The following TNFSF11 variants were observed in gnomAD, a reference collection of about 807,000 sequenced individuals.
TNFSF11 encodes the protein tumor necrosis factor ligand superfamily member 11.
TNFSF11 carries 12 observed loss-of-function variants against 32.2 expected under a neutral mutation model. The ratio of observed to expected loss-of-function variants is 0.37; its 90% confidence interval spans 0.24 to 0.60. TNFSF11 has a LOEUF of 0.60. Among genes scored for constraint, TNFSF11 ranks in the 20% least tolerant of loss-of-function variants. TNFSF11 has a pLI of 0.66. For synonymous variants in TNFSF11, 172 were observed against 152.1 expected (o/e 1.13, Z -0.96); for missense variants, 345 against 398.0 (o/e 0.87, Z 1.13).
chr13:42,578,929 A>G (rs572386879), intron 1 of TNFSF11, among the ~76,000 whole-genome samples: 12 of 152,368 alleles, frequency 7.9e-5, no homozygotes, highest in African/African-American at 2.6e-4. Flanking sequence ...ATAGCAGAAA[A>G]TCTATATTTT....
At chr13:42,579,415 CAAAA>C in intron 1 of TNFSF11, among the ~76,000 whole-genome samples, 1 of 112,934 alleles carries the variant, frequency 8.9e-6, no homozygotes. Context: ...ACCCTGTCTT[CAAAA>C]AAAAAAAAAA....
chr13:42,566,440 G>C (rs2137841930), intron 1 of TNFSF11, among the ~76,000 whole-genome samples: 1 of 152,256 alleles, frequency 6.6e-6, no homozygotes. Context: ...AGAGGGACTT[G>C]AATCAAATAA....
In TNFSF11 at chr13:42,607,075, G is replaced by A. The variant is rs199767949; in HGVS notation, c.*157G>A. ...ATGCTCTTGACCTTGTAGAGAACAC[G>A]CGTATTTACAGCCAGTGGGAGATGT... On this transcript the variant is annotated 3_prime_UTR_variant, in exon 5 of 5. Transcript: ENST00000398795. 5.9e-5 allele frequency: 52 copies of A among 877,310 alleles called. No individual in the cohort carries two copies. The East Asian group carries it at 1.2e-3, about 20-fold the overall frequency. The allele number at this position is 877,310 out of a possible 1,614,324, so 54.3% of individuals were successfully genotyped here.
Position 42,574,545 on chromosome 13 carries a change from G to C in TNFSF11, c.219+23G>C, listed in dbSNP as rs762342459. ...CAGGTGAGTGGCCACCTTCCCAGGG[G>C]ATCGCGGCTGAGAGCGCCCATCTCC... is the stretch of plus-strand genomic sequence containing the variant. On this transcript the variant is annotated intron_variant, in intron 1 of 4. Coordinates refer to ENST00000398795, the MANE Select transcript of TNFSF11 (RefSeq NM_003701.4). 17 of 1,600,042 alleles carry C rather than the reference G, an allele frequency of 1.1e-5. No homozygotes were observed. In the Admixed American group the frequency reaches 2.9e-4, roughly 27 times the overall value.
chr13:42,597,494 G>A (rs865937596), intron 2 of TNFSF11, among the ~76,000 whole-genome samples: 9 of 152,086 alleles, frequency 5.9e-5, no homozygotes, highest in African/African-American at 1.7e-4. Flanking sequence ...GTTCATTCCC[G>A]GGTAGAAGAG....
rs1869452078 is a variant in TNFSF11, at chr13:42,606,371, A to C, written c.533-126A>C. On this transcript the variant is annotated intron_variant, in intron 4 of 4. Coordinates refer to ENST00000398795, the MANE Select transcript of TNFSF11 (RefSeq NM_003701.4). ...CTCCCCTTCTAGAAAAGAAATGCCA[A>C]TAAGTTATTCTCCCTTTGAAATAAT... is the stretch of plus-strand genomic sequence containing the variant. 5 of 1,171,958 alleles carry C rather than the reference A, an allele frequency of 4.3e-6. No homozygotes were observed. In the South Asian group the frequency reaches 5.4e-5, roughly 13 times the overall value. The allele number at this position is 1,171,958 out of a possible 1,614,324, so 72.6% of individuals were successfully genotyped here. A position where few individuals can be genotyped will look rare whatever the true frequency, so the allele number is the denominator to read the frequency against.
intron 2 of TNFSF11, among the ~76,000 whole-genome samples, chr13:42,590,871 C>T (rs1447373525): frequency 1.3e-5 from 2 of 152,202 alleles, no homozygotes; most frequent in Admixed American, 1.3e-4. Context: ...GCATACCCAT[C>T]GCACTCCCAG....
chr13:42,564,496 G>A (rs989997003), intron 1 of TNFSF11, among the ~76,000 whole-genome samples: 2 of 152,004 alleles, frequency 1.3e-5, no homozygotes, highest in South Asian at 2.1e-4. Flanking sequence ...GAATCCAGAA[G>A]GTGAAGGTTG....
intron 2 of TNFSF11, among the ~76,000 whole-genome samples, 159 bp downstream of exon 2, chr13:42,581,452 G>A (rs1873612305): frequency 1.3e-5 from 2 of 152,180 alleles, no homozygotes; most frequent in South Asian, 4.1e-4. Context: ...GAATTATTTT[G>A]AAGTTGGTAG....
intron 2 of TNFSF11, among the ~76,000 whole-genome samples, chr13:42,586,583 G>A (rs112863504): frequency 0.013 from 2,032 of 152,278 alleles, 44 homozygotes; most frequent in African/African-American, 0.046. Context: ...CTGCTATGTA[G>A]AGGTGGGCTT....
At chr13:42,583,185 A>G (rs1236124179) in intron 2 of TNFSF11, among the ~76,000 whole-genome samples, 1 of 151,902 alleles carries the variant, frequency 6.6e-6, no homozygotes. Flanking sequence ...CCGAGGTGGG[A>G]GGATCACGTG....
At chr13:42,599,717 C>T (rs955948146) in intron 2 of TNFSF11, among the ~76,000 whole-genome samples, 9 of 152,022 alleles carry the variant, frequency 5.9e-5, no homozygotes, top group African/African-American at 2.2e-4. Context: ...TTATAGGTAC[C>T]CACAACCACA....
In TNFSF11 at chr13:42,574,235, T is replaced by G; in HGVS notation, c.-69T>G. 2.0e-6 allele frequency: 3 copies of G among 1,527,772 alleles called. No individual in the cohort carries two copies. The highest frequency in any genetic ancestry group is 2.7e-6 in the Non-Finnish European group (3 of 1,131,612). The allele number at this position is 1,527,772 out of a possible 1,614,324, so 94.6% of individuals were successfully genotyped here. A position where few individuals can be genotyped will look rare whatever the true frequency, so the allele number is the denominator to read the frequency against. On this transcript the variant is annotated 5_prime_UTR_variant, in exon 1 of 5. Coordinates refer to ENST00000398795, the MANE Select transcript of TNFSF11 (RefSeq NM_003701.4). Reference sequence around the variant, plus strand: ...CGAGGCTCCGCCGCAGCCTCCGGAGTTGGCCGCAGACAAGAAGGGGAGGGA... The same window carrying G: ...CGAGGCTCCGCCGCAGCCTCCGGAGGTGGCCGCAGACAAGAAGGGGAGGGA...
At chr13:42,605,993 T>C (rs750813676) in intron 4 of TNFSF11, among the ~76,000 whole-genome samples, 6 of 152,252 alleles carry the variant, frequency 3.9e-5, no homozygotes, top group Non-Finnish European at 7.3e-5. Flanking sequence ...AGTTTCTTGC[T>C]TTCCTGTCTC....
At chr13:42,600,729 A>G in intron 2 of TNFSF11, 23 bp from the exon 3 acceptor site, 2 of 1,599,906 alleles carry the variant, frequency 1.3e-6, no homozygotes, top group South Asian at 2.2e-5. Flanking sequence ...TATAAATAAA[A>G]TTATTTTTCC....
intron 4 of TNFSF11, among the ~76,000 whole-genome samples, chr13:42,603,762 A>G (rs1869301766): frequency 1.3e-5 from 2 of 152,172 alleles, no homozygotes; most frequent in South Asian, 2.1e-4. Context: ...GTGAAAATGC[A>G]TATTTTATAT....
intron 2 of TNFSF11, among the ~76,000 whole-genome samples, chr13:42,595,195 T>C (rs967478694): frequency 6.6e-6 from 1 of 152,236 alleles, no homozygotes; most frequent in Non-Finnish European, 1.5e-5. Context: ...TCAGAAGGTT[T>C]CTTTTATCCT....
At chr13:42,582,589 G>A (rs1387031378) in intron 2 of TNFSF11, among the ~76,000 whole-genome samples, 1 of 152,206 alleles carries the variant, frequency 6.6e-6, no homozygotes, top group Non-Finnish European at 1.5e-5. Flanking sequence ...TGGAATGCAT[G>A]AAGTACCTAT....
chr13:42,588,179 T>C (rs898319516), intron 2 of TNFSF11, among the ~76,000 whole-genome samples: 21 of 152,248 alleles, frequency 1.4e-4, no homozygotes. Flanking sequence ...ATAAAAGCTG[T>C]CTTTATGGGA....
Sources: gnomAD v4.1 joint callset for allele counts (sites outside exome capture counted in the v4.1 genomes callset) on GRCh38, gnomAD v4.1.1 for gene constraint, MANE v1.5 for transcripts, NCBI Gene and HGNC (gene_info 2026-07-23, HGNC 2026-07-21) for gene names.